Variants in FBXO2 observed in about 807,000 individuals in gnomAD.
FBXO2 encodes the protein F-box protein 2.
In FBXO2, 32 loss-of-function variants were observed where a neutral mutation model predicts 38.6. That is an observed-to-expected ratio of 0.83 (90% CI 0.62 to 1.11). The LOEUF (loss-of-function observed/expected upper bound fraction) is 1.11, where lower values mean the gene tolerates loss of function less well. Ranked by LOEUF, FBXO2 falls within the 50% of genes most tolerant of loss-of-function variation. The pLI, the probability that FBXO2 is intolerant of heterozygous loss-of-function variation, is 0.00. For synonymous variants in FBXO2, 189 were observed against 182.9 expected, an observed-to-expected ratio of 1.03 and a Z score of -0.27; for missense variants, 450 against 418.3, an observed-to-expected ratio of 1.08 and a Z score of -0.66.
At chr1:11,652,616 C>A (rs113820332) in intron 1 of FBXO2, among the ~76,000 whole-genome samples, 2 of 152,176 alleles carry the variant, frequency 1.3e-5, no homozygotes, top group African/African-American at 4.8e-5. Flanking sequence ...GATGCCTGGA[C>A]GAGGGAGAGC....
At chr1:11,650,334 AC>A (rs1639491771) in intron 2 of FBXO2, 131 bp downstream of exon 2, 2 of 1,443,076 alleles carry the variant, frequency 1.4e-6, no homozygotes, top group South Asian at 2.8e-5. Context: ...ACAGTAATAG[AC>A]AGCCTTGGGG....
At position 11,649,220 on chromosome 1, in the gene FBXO2, G is replaced by A. The variant is rs907948804; in HGVS notation, c.623C>T (p.Ser208Leu). The A allele has an allele frequency of 4.3e-6, 6 of 1,393,636 alleles. No individual in the cohort carries two copies. Among genetic ancestry groups the A allele is most frequent in the East Asian group, 3.6e-5 (1 of 28,006 alleles). 86.3% of individuals were successfully genotyped at this position (1,393,636 alleles called of 1,614,324 possible). A position where few individuals can be genotyped will look rare whatever the true frequency, so the allele number is the denominator to read the frequency against. The change falls in exon 5 of 6, where the codon TCG becomes TTG. Residue 208 changes from serine to leucine, a missense_variant. By Grantham distance (145) the Ser-to-Leu change is moderately radical. Coordinates refer to ENST00000354287, the MANE Select transcript of FBXO2 (RefSeq NM_012168.6). Reference protein sequence around the residue: ...QPAIVVKDWYSGRSDAGCLYE... With the variant: ...QPAIVVKDWYLGRSDAGCLYE... ...GAGGCAACCAGCGTCGCTGCGGCCC[G>A]AGTACCTGCTCAGAGGGAGGGAGCG...
At position 11,654,084 on chromosome 1, in the gene FBXO2, C is replaced by G; in HGVS notation, c.22+235G>C. On this transcript the variant is annotated intron_variant, in intron 1 of 5. Coordinates refer to ENST00000354287, the MANE Select transcript of FBXO2 (RefSeq NM_012168.6). ...GGGGTCCTCTGGTGCTACTTCCTGGCTAAATGGGACCCAGGAGTTCTCTCT... is the reference window on the plus strand; with the variant it reads ...GGGGTCCTCTGGTGCTACTTCCTGGGTAAATGGGACCCAGGAGTTCTCTCT... The G allele has an allele frequency of 9.0e-6, 4 of 446,266 alleles. 1 individual carries two copies. Among genetic ancestry groups the G allele is most frequent in the African/African-American group, 2.0e-5 (1 of 48,784 alleles). The allele number at this position is 446,266 out of a possible 1,614,324, so 27.6% of individuals were successfully genotyped here. A position where few individuals can be genotyped will look rare whatever the true frequency, so the allele number is the denominator to read the frequency against.
rs1410981208 is a variant in FBXO2 at position 11,650,658 on chromosome 1, G to A, written c.199C>T (p.Leu67=). 6.4e-7 allele frequency: 1 copy of A among 1,554,158 alleles called. No individual in the cohort carries two copies. Among genetic ancestry groups the A allele is most frequent in the South Asian group, 1.2e-5 (1 of 85,928 alleles). Residue 67 remains leucine, a synonymous_variant, in exon 2 of 6, where the codon CTG becomes TTG. Coordinates refer to ENST00000354287, the MANE Select transcript of FBXO2 (RefSeq NM_012168.6). ...RVLAALPAAE[L]VQACRLVCLR... is the part of the protein sequence containing the mutation. ...CACACCAGGCGGCAGGCCTGCACCA[G>A]CTCGGCGGCCGGCAGTGCGGCCAGC...
chr1:11,650,922 C>A (rs1639510724), intron 1 of FBXO2, 88 bp from the exon 2 acceptor site: 1 of 1,469,630 alleles, frequency 6.8e-7, no homozygotes, highest in Non-Finnish European at 9.0e-7. Flanking sequence ...TAACCTCCCC[C>A]ACCCACCGTG....
rs983070962 is a variant in FBXO2 at position 11,654,297 on chromosome 1, G to T, written c.22+22C>A. ...CCCCATCTCCCCTCCCCGCCGCAGC[G>T]AGCGGTCCAGGCGTCGGCTACCTGG... On this transcript the variant is annotated intron_variant, in intron 1 of 5. Transcript: ENST00000354287. The T allele has an allele frequency of 3.4e-6, 5 of 1,490,082 alleles. No homozygotes were observed. The East Asian group carries it at 1.5e-4, about 43-fold the overall frequency. 92.3% of individuals were successfully genotyped at this position (1,490,082 alleles called of 1,614,324 possible).
In FBXO2 at chr1:11,648,972, T is replaced by G; in HGVS notation, c.756+115A>C. 1 of 713,242 alleles carries G rather than the reference T, an allele frequency of 1.4e-6. No homozygotes were observed. Among genetic ancestry groups the G allele is most frequent in the Non-Finnish European group, 2.1e-6 (1 of 475,536 alleles). 44.2% of individuals were successfully genotyped at this position (713,242 alleles called of 1,614,324 possible). ...CTCTCTCCACCACCCGGTGACTATC[T>G]CAGCCCAGCCCAGCCCAGCCCACCC... On this transcript the variant is annotated intron_variant, in intron 5 of 5. Transcript: ENST00000354287. The surrounding 1 kb of genome is among the most constrained non-coding windows in gnomAD (Gnocchi z 4.2).
Position 11,649,152 on chromosome 1 carries a change from G to T in FBXO2, c.691C>A (p.Leu231Met). 1 of 1,584,902 alleles carries T rather than the reference G, an allele frequency of 6.3e-7. No individual in the cohort carries two copies. Among genetic ancestry groups the T allele is most frequent in the Non-Finnish European group, 8.6e-7 (1 of 1,166,142 alleles). Residue 231 changes from leucine (L) to methionine (M), a missense_variant, in exon 5 of 6, where the codon CTG becomes ATG. Physicochemically the swap from Leu to Met is conservative, Grantham distance 15. Transcript: ENST00000354287. ...VKLLSEHENVLAEFSSGQVAV... is the reference protein window; with the variant it reads ...VKLLSEHENVMAEFSSGQVAV... ...ACCTGCCCGCTGCTGAACTCAGCCA[G>T]CACGTTCTCGTGCTCGGACAGTAGC...
chr1:11,649,248 GT>G, intron 4 of FBXO2, 23 bp from the exon 5 acceptor site: 1 of 1,502,396 alleles, frequency 6.7e-7, no homozygotes, highest in Non-Finnish European at 9.0e-7. Flanking sequence ...AGGGAGCGAG[GT>G]GGGGGGCGGG....
Position 11,648,709 on chromosome 1 carries a change from C to G in FBXO2, c.876G>C (p.Val292=), listed in dbSNP as rs1639456686. The G allele has an allele frequency of 6.2e-7, 1 of 1,613,330 alleles. No individual in the cohort carries two copies. Among genetic ancestry groups the G allele is most frequent in the Non-Finnish European group, 8.5e-7 (1 of 1,180,038 alleles). ...GCAGGGTCGCTCAGGGTTCTACCCA[C>G]ACGCTGCTGTTGGTCACCCGGGCCC... ...WFGARVTNSS[V]WVEP The change falls in exon 6 of 6, where the codon GTG becomes GTC. Residue 292 remains valine, a synonymous_variant. Transcript: ENST00000354287. This position sits in a 1 kb window ranked among gnomAD's most constrained non-coding sequence, Gnocchi z 4.2.
rs760672728 is a variant in FBXO2, at chr1:11,649,950, G to T, written c.516C>A (p.Ser172=). 1.9e-6 allele frequency: 3 copies of T among 1,613,766 alleles called. No homozygotes were observed. Among genetic ancestry groups the T allele is most frequent in the African/African-American group, 2.7e-5 (2 of 74,900 alleles). Residue 172 remains serine, a synonymous_variant, in exon 3 of 6, where the codon TCC becomes TCA. Coordinates refer to ENST00000354287, the MANE Select transcript of FBXO2 (RefSeq NM_012168.6). ...DESVKKYFAS[S]FEWCRKAQVI... ...CTCCACCCCCTTCTCCTTACTCAAA[G>T]GAGGAGGCGAAGTACTTCTTGACGC...
rs1023837709 is a variant in FBXO2, at chr1:11,648,887, C to A, written c.757-59G>T. ...GGTCCTGAGGCCTCTCCTGCCGCCC[C>A]ACCCCGGTACACCGACCGACCTGCA... On this transcript the variant is annotated intron_variant, in intron 5 of 5. Coordinates refer to ENST00000354287, the MANE Select transcript of FBXO2 (RefSeq NM_012168.6). This position sits in a 1 kb window ranked among gnomAD's most constrained non-coding sequence, Gnocchi z 4.2. The A allele has an allele frequency of 6.3e-7, 1 of 1,593,548 alleles. No homozygotes were observed. Among genetic ancestry groups the A allele is most frequent in the Non-Finnish European group, 8.6e-7 (1 of 1,166,658 alleles).
Position 11,650,473 on chromosome 1 carries a change from A to G in FBXO2, c.384T>C (p.Cys128=). The part of the protein sequence containing the change: ...KRRRNLLRNP[C]GEEDLEGWCD... Reference sequence around the variant, plus strand: ...CCAGCGAGGGCCTCTCACCTTCCCCACACGGGTTACGCAGAAGGTTGCGGC... The same window carrying G: ...CCAGCGAGGGCCTCTCACCTTCCCCGCACGGGTTACGCAGAAGGTTGCGGC... The change falls in exon 2 of 6, where the codon TGT becomes TGC. Residue 128 remains cysteine, a synonymous_variant. Coordinates refer to ENST00000354287, the MANE Select transcript of FBXO2 (RefSeq NM_012168.6). 6.2e-7 allele frequency: 1 copy of G among 1,609,384 alleles called. No homozygotes were observed. Among genetic ancestry groups the G allele is most frequent in the Non-Finnish European group, 8.5e-7 (1 of 1,178,560 alleles).
intron 2 of FBXO2, 51 bp downstream of exon 2, chr1:11,650,415 G>A: frequency 6.3e-7 from 1 of 1,577,318 alleles, no homozygotes; most frequent in Non-Finnish European, 8.6e-7. Flanking sequence ...GCGCCGTTTC[G>A]GCCCATTTCG....
rs375861333 is a variant in FBXO2 at position 11,649,879 on chromosome 1, G to A, written c.522-5C>T. ...ACCTGTGCTTTGCGACACCACCTGG[G>A]AGAACTGGAGTTAGGACAGAGCGAA... On this transcript the variant is annotated splice_region_variant and splice_polypyrimidine_tract_variant and intron_variant, in intron 3 of 5. Transcript: ENST00000354287. The A allele has an allele frequency of 2.5e-6, 4 of 1,613,900 alleles. No individual in the cohort carries two copies. The African/African-American group carries it at 4.0e-5, about 16-fold the overall frequency.
chr1:11,649,979 C>A lies in FBXO2; in HGVS notation c.487G>T (p.Glu163Ter), dbSNP rs1230112496. 6.2e-7 allele frequency: 1 copy of A among 1,614,088 alleles called. No homozygotes were observed. Among genetic ancestry groups the A allele is most frequent in the Non-Finnish European group, 8.5e-7 (1 of 1,180,028 alleles). The stretch of plus-strand genomic sequence containing the variant: ...GAGGCGAAGTACTTCTTGACGCTCT[C>A]ATCGTGGGTGAACTCCACCCCACTG... ...GDSGVEFTHD[E>*]SVKKYFASSF... is the part of the protein sequence containing the mutation. Residue 163 changes from glutamate to a stop codon, truncating the protein, a stop_gained, in exon 3 of 6, where the codon GAG becomes TAG. Transcript: ENST00000354287. LOFTEE classifies it high-confidence loss of function.
Position 11,648,449 on chromosome 1 carries a change from G to A in FBXO2, c.*245C>T. 1.8e-6 allele frequency: 1 copy of A among 560,218 alleles called. No individual in the cohort carries two copies. The highest frequency in any genetic ancestry group is 3.2e-6 in the Non-Finnish European group (1 of 313,942). 34.7% of individuals were successfully genotyped at this position (560,218 alleles called of 1,614,324 possible). ...GTGGCAAGCACTGTGCTAGGTGCAG[G>A]GAATCAGCAGTGGGTCCAGTCCAAG... On this transcript the variant is annotated 3_prime_UTR_variant, in exon 6 of 6. Coordinates refer to ENST00000354287, the MANE Select transcript of FBXO2 (RefSeq NM_012168.6). This position sits in a 1 kb window ranked among gnomAD's most constrained non-coding sequence, Gnocchi z 4.2.
Position 11,650,723 on chromosome 1 carries a change from G to A in FBXO2, c.134C>T (p.Ala45Val). 7.0e-7 allele frequency: 1 copy of A among 1,438,612 alleles called. No homozygotes were observed. Among genetic ancestry groups the A allele is most frequent in the Non-Finnish European group, 8.9e-7 (1 of 1,117,558 alleles). The allele number at this position is 1,438,612 out of a possible 1,614,324, so 89.1% of individuals were successfully genotyped here. A position where few individuals can be genotyped will look rare whatever the true frequency, so the allele number is the denominator to read the frequency against. ...CGGCTCGGGCAGCTCGTCCAGGTAC[G>A]CGGCGGCGGCCGCCGCCTCCTCCTC... is the stretch of plus-strand genomic sequence containing the variant. ...QQEEEAAAAA[A>V]YLDELPEPLL... Residue 45 changes from alanine (A) to valine (V), a missense_variant, in exon 2 of 6, where the codon GCG becomes GTG. Transcript: ENST00000354287.
intron 1 of FBXO2, 131 bp from the exon 2 acceptor site, chr1:11,650,965 G>T: frequency 1.5e-6 from 2 of 1,314,836 alleles, no homozygotes; most frequent in South Asian, 1.6e-5. Flanking sequence ...GAGATTCTGT[G>T]ACTCCATACT....
Sources: gnomAD v4.1 joint callset for allele counts (sites outside exome capture counted in the v4.1 genomes callset) on GRCh38, gnomAD v4.1.1 for gene constraint, Gnocchi (gnomAD v3.1) non-coding constraint, MANE v1.5 for transcripts, NCBI Gene and HGNC (gene_info 2026-07-23, HGNC 2026-07-21) for gene names.